Variants in OCA2 observed in about 807,000 individuals in gnomAD.
OCA2 encodes OCA2 melanosomal transmembrane protein.
A neutral mutation model predicts 100.2 loss-of-function variants in OCA2; 77 were observed. The ratio of observed to expected loss-of-function variants is 0.77; its 90% confidence interval spans 0.64 to 0.93. The LOEUF is 0.93. Among genes scored for constraint, OCA2 ranks in the 40% least tolerant of loss-of-function variants. The pLI is 0.00. For synonymous variants in OCA2, 432 were observed against 439.2 expected (o/e 0.98, Z 0.21); for missense variants, 1,062 against 1,089.1 (o/e 0.98, Z 0.35).
chr15:27,931,988 G>C (rs923280295), intron 18 of OCA2, among the ~76,000 whole-genome samples: 1 of 152,194 alleles, frequency 6.6e-6, no homozygotes, highest in Non-Finnish European at 1.5e-5. Flanking sequence ...CTGAGCTTAA[G>C]GGATACAGAT....
chr15:27,865,630 T>G (rs1236644106), intron 21 of OCA2, among the ~76,000 whole-genome samples: 1 of 152,152 alleles, frequency 6.6e-6, no homozygotes, highest in Non-Finnish European at 1.5e-5. Flanking sequence ...AGAGGACCAG[T>G]TACTCTAAGG....
At chr15:27,775,677 G>T (rs1347191429) in intron 23 of OCA2, 2 of 152,282 alleles carry the variant, frequency 1.3e-5, no homozygotes, top group African/African-American at 2.4e-5. Flanking sequence ...TCAAAAGCCT[G>T]TTCTCTCTCA....
chr15:27,985,636 A>G (rs1343696717), intron 12 of OCA2, among the ~76,000 whole-genome samples: 1 of 152,160 alleles, frequency 6.6e-6, no homozygotes, highest in Non-Finnish European at 1.5e-5. Flanking sequence ...GGGCTCAAAG[A>G]TGACAAAAAT....
chr15:27,917,975 T>C (rs75919704), intron 19 of OCA2, among the ~76,000 whole-genome samples: 8,232 of 152,072 alleles, frequency 0.054, 767 homozygotes, highest in African/African-American at 0.19. Context: ...CAACTCCCCA[T>C]ATTTTAGACT....
intron 19 of OCA2, among the ~76,000 whole-genome samples, chr15:27,924,615 A>C (rs2038980653): frequency 6.6e-6 from 1 of 152,206 alleles, no homozygotes; most frequent in Non-Finnish European, 1.5e-5. Context: ...GATCATATTA[A>C]ACTAAGATGT....
intron 2 of OCA2, among the ~76,000 whole-genome samples, chr15:28,069,908 G>A: frequency 1.6e-5 from 2 of 126,066 alleles, no homozygotes; most frequent in African/African-American, 9.2e-5. Flanking sequence ...GCCCAGTCTG[G>A]AAAGTAAGGA....
Position 27,770,981 on chromosome 15 carries a change from T to A in OCA2, c.2433-15509A>T, listed in dbSNP as rs1468871443. Among the ~76,000 whole-genome samples the A allele has an allele frequency of 7.6e-5, 7 of 92,096 alleles. No individual in the cohort carries two copies. In the East Asian group the frequency reaches 3.0e-3, roughly 40 times the overall value. 60.4% of individuals were successfully genotyped at this position (92,096 alleles called of 152,430 possible). A position where few individuals can be genotyped will look rare whatever the true frequency, so the allele number is the denominator to read the frequency against. On this transcript the variant is annotated intron_variant, in intron 23 of 23. Transcript: ENST00000354638. Reference sequence around the variant, plus strand: ...TTCCTTCCTCCCTCCCTTCCTTTCCTTCTTTCTTCCTTCCCTTCCTTCCTT... The same window carrying A: ...TTCCTTCCTCCCTCCCTTCCTTTCCATCTTTCTTCCTTCCCTTCCTTCCTT...
chr15:27,719,954 C>G, the OCA2 span, among the ~76,000 whole-genome samples: 2 of 152,164 alleles, frequency 1.3e-5, no homozygotes, highest in African/African-American at 4.8e-5. Context: ...TAATCTGATT[C>G]TCTCCCAAAC....
intron 2 of OCA2, among the ~76,000 whole-genome samples, chr15:28,076,308 T>A (rs1454124003): frequency 6.6e-6 from 1 of 152,248 alleles, no homozygotes; most frequent in Non-Finnish European, 1.5e-5. Flanking sequence ...CCATGACAGA[T>A]GTAAACGCTG....
At chr15:28,066,767 T>A (rs1240065424) in intron 2 of OCA2, among the ~76,000 whole-genome samples, 1 of 152,126 alleles carries the variant, frequency 6.6e-6, no homozygotes, top group African/African-American at 2.4e-5. Flanking sequence ...ACAGGAGACA[T>A]TTGCCATCTA....
intron 5 of OCA2, among the ~76,000 whole-genome samples, chr15:28,024,301 T>C (rs1175949601): frequency 6.6e-6 from 1 of 152,228 alleles, no homozygotes; most frequent in Non-Finnish European, 1.5e-5. Context: ...TCACGTTGGT[T>C]TGGCTCCAGA....
At chr15:28,053,526 T>C (rs1480407290) in intron 2 of OCA2, among the ~76,000 whole-genome samples, 1 of 152,168 alleles carries the variant, frequency 6.6e-6, no homozygotes, top group African/African-American at 2.4e-5. Flanking sequence ...GCCCAAGAGA[T>C]GGTCACTGTG....
At chr15:27,966,480 C>T (rs767088313) in intron 15 of OCA2, among the ~76,000 whole-genome samples, 8 of 152,110 alleles carry the variant, frequency 5.3e-5, no homozygotes, top group Non-Finnish European at 7.4e-5. Context: ...CCACATTTTA[C>T]CACAGTACAC....
chr15:27,979,419 A>G (rs190862760), intron 14 of OCA2, among the ~76,000 whole-genome samples: 1 of 152,266 alleles, frequency 6.6e-6, no homozygotes, highest in East Asian at 1.9e-4. Context: ...TAAACTATTT[A>G]TATGTTATGT....
At chr15:27,881,688 T>C (rs1434419821) in intron 19 of OCA2, among the ~76,000 whole-genome samples, 1 of 152,186 alleles carries the variant, frequency 6.6e-6, no homozygotes, top group Non-Finnish European at 1.5e-5. Flanking sequence ...TGATGGTTGT[T>C]TGTATTTCTG....
At chr15:27,975,210 T>C (rs2040927852) in intron 14 of OCA2, among the ~76,000 whole-genome samples, 2 of 152,312 alleles carry the variant, frequency 1.3e-5, no homozygotes, top group South Asian at 4.1e-4. Flanking sequence ...ATGCCTAGGA[T>C]TTTACATTAA....
At chr15:27,903,131 C>T (rs2038024793) in intron 19 of OCA2, among the ~76,000 whole-genome samples, 1 of 152,244 alleles carries the variant, frequency 6.6e-6, no homozygotes, top group Admixed American at 6.5e-5. Flanking sequence ...GCCCCCTCTC[C>T]CCTGGGCTGC....
chr15:27,828,607 C>T (rs1216455893), intron 23 of OCA2, among the ~76,000 whole-genome samples: 3 of 152,078 alleles, frequency 2.0e-5, no homozygotes, highest in South Asian at 2.1e-4. Context: ...GTCCCATGGC[C>T]GAGACAAATA....
rs1232757925 is a variant in OCA2, at chr15:27,755,401, A to C, written c.2504T>G (p.Val835Gly). 2.5e-6 allele frequency: 4 copies of C among 1,612,504 alleles called. No homozygotes were observed. In the African/African-American group the frequency reaches 4.0e-5, roughly 16 times the overall value. ...GATGGATGTCTATTAATTCCATCCC[A>C]CCACCACATGAGCCACAAGGAGATA... ...MCYLLVAHVV[V>G]GWN Residue 835 changes from valine (V) to glycine (G), a missense_variant, in exon 24 of 24, where the codon GTG (valine) becomes GGG (glycine). Val to Gly is a moderately radical substitution (Grantham distance 109). Transcript: ENST00000354638.
Sources: gnomAD v4.1 joint callset for allele counts (sites outside exome capture counted in the v4.1 genomes callset) on GRCh38, gnomAD v4.1.1 for gene constraint, MANE v1.5 for transcripts, NCBI Gene and HGNC (gene_info 2026-07-23, HGNC 2026-07-21) for gene names.